The following VPS26C variants were observed in gnomAD, a reference collection of about 807,000 sequenced individuals.
VPS26C encodes VPS26 endosomal protein sorting factor C, also known as vacuolar protein sorting-associated protein 26C.
A neutral mutation model predicts 30.6 loss-of-function variants in VPS26C; 19 were observed. The observed-to-expected ratio is 0.62, with a 90% CI of 0.43 to 0.91. The LOEUF is 0.91. Among genes scored for constraint, VPS26C ranks in the 40% least tolerant of loss-of-function variants. The pLI, the probability that VPS26C is intolerant of heterozygous loss-of-function variation, is 0.00. For missense variants in VPS26C, 318 were observed against 385.1 expected (o/e 0.83, Z 1.46); for synonymous variants, 132 against 151.5 (o/e 0.87, Z 0.95).
intron 7 of VPS26C, chr21:37,225,943 C>G: frequency 2.8e-6 from 1 of 361,272 alleles, no homozygotes; most frequent in Non-Finnish European, 5.2e-6. Context: ...TTCTAGAACC[C>G]TTTCAATTCA....
In VPS26C at chr21:37,226,801, T is replaced by TGACTTCCA. The variant is rs1367838920; in HGVS notation, c.811+845_811+852dup. On this transcript the variant is annotated intron_variant, in intron 7 of 7. Transcript: ENST00000309117. This position sits in a 1 kb window ranked among gnomAD's most constrained non-coding sequence, Gnocchi z 4.1. ...TTGATGTGGATGCAGTGCTCACTCCTGACTTCCAACCTAGAGGTCCCCGAG... is the reference window on the plus strand; with the variant it reads ...TTGATGTGGATGCAGTGCTCACTCCTGACTTCCAGACTTCCAACCTAGAGGTCCCCGAG... 1 of 152,228 alleles carries TGACTTCCA rather than the reference T, an allele frequency of 6.6e-6. No individual in the cohort carries two copies. The highest frequency in any genetic ancestry group is 1.5e-5 in the Non-Finnish European group (1 of 68,056). 9.4% of individuals were successfully genotyped at this position (152,228 alleles called of 1,614,324 possible). A position where few individuals can be genotyped will look rare whatever the true frequency, so the allele number is the denominator to read the frequency against.
Position 37,255,963 on chromosome 21 carries a change from G to A in VPS26C, c.57+11275C>T, listed in dbSNP as rs867399280. 1.1e-4 allele frequency among the ~76,000 whole-genome samples: 16 copies of A among 147,630 alleles called. 1 individual carries two copies. In the Middle Eastern group the frequency reaches 0.017, roughly 161 times the overall value. Reference sequence around the variant, plus strand: ...TGATTCTCCTGCCTCAGCCTCCTGAGTAGCTGGGATTACAGGTGCCCGCCA... The same window carrying A: ...TGATTCTCCTGCCTCAGCCTCCTGAATAGCTGGGATTACAGGTGCCCGCCA... On this transcript the variant is annotated intron_variant, in intron 1 of 7. Transcript: ENST00000309117.
At chr21:37,259,910 A>G (rs2086286882) in intron 1 of VPS26C, among the ~76,000 whole-genome samples, 1 of 152,344 alleles carries the variant, frequency 6.6e-6, no homozygotes. Context: ...AGCGTGGAAA[A>G]GAACATGACA....
chr21:37,252,406 G>A lies in VPS26C; in HGVS notation c.58-11767C>T, dbSNP rs537595940. ...ACAATCCTCAGATAGTTCTCCACAT[G>A]GTAAGTAATGGCCAGTATTATGTGA... On this transcript the variant is annotated intron_variant, in intron 1 of 7. Transcript: ENST00000309117. Among the ~76,000 whole-genome samples, 22 of 152,244 alleles carry A rather than the reference G, an allele frequency of 1.4e-4. No individual in the cohort carries two copies. The South Asian group carries it at 4.6e-3, about 32-fold the overall frequency.
At chr21:37,249,135 C>T (rs2086167078) in intron 1 of VPS26C, among the ~76,000 whole-genome samples, 1 of 152,070 alleles carries the variant, frequency 6.6e-6, no homozygotes, top group Non-Finnish European at 1.5e-5. Context: ...AATGAGAAAA[C>T]AAGATATCAT....
At chr21:37,249,805 G>A (rs1443499821) in intron 1 of VPS26C, among the ~76,000 whole-genome samples, 1 of 152,192 alleles carries the variant, frequency 6.6e-6, no homozygotes, top group Non-Finnish European at 1.5e-5. Flanking sequence ...CTAGCCCTGT[G>A]AGATATTACA....
intron 1 of VPS26C, among the ~76,000 whole-genome samples, chr21:37,241,755 G>C (rs956936916): frequency 6.6e-6 from 1 of 152,184 alleles, no homozygotes; most frequent in Non-Finnish European, 1.5e-5. Context: ...CTGGGTGGTT[G>C]AGGCTGCAGC....
Position 37,235,864 on chromosome 21 carries a change from TATATATATATATA to T in VPS26C, c.352-2435_352-2423del, listed in dbSNP as rs1569233713. On this transcript the variant is annotated intron_variant, in intron 3 of 7. Coordinates refer to ENST00000309117, the MANE Select transcript of VPS26C (RefSeq NM_006052.2). ...GTATATGTGTGTGTATATATATATA[TATATATATATATA>T]TATTTTTTTTTTTAATTAAAAAATT... is the stretch of plus-strand genomic sequence containing the variant. Among the ~76,000 whole-genome samples the T allele has an allele frequency of 9.7e-5, 10 of 103,058 alleles. No homozygotes were observed. The East Asian group carries it at 4.3e-3, about 44-fold the overall frequency. 67.6% of individuals were successfully genotyped at this position (103,058 alleles called of 152,430 possible).
At chr21:37,264,317 G>T (rs2086336596) in intron 1 of VPS26C, among the ~76,000 whole-genome samples, 1 of 152,174 alleles carries the variant, frequency 6.6e-6, no homozygotes, top group Non-Finnish European at 1.5e-5. Flanking sequence ...TGCAGATGCT[G>T]TTCCTTATAC....
At chr21:37,260,892 A>T (rs2086297187) in intron 1 of VPS26C, among the ~76,000 whole-genome samples, 2 of 152,208 alleles carry the variant, frequency 1.3e-5, no homozygotes, top group Admixed American at 1.3e-4. Context: ...CTAGAATATT[A>T]TTTATAATTA....
rs554017613 is a variant in VPS26C at position 37,227,863 on chromosome 21, A to G, written c.659-57T>C. 1.1e-4 allele frequency: 173 copies of G among 1,598,076 alleles called. No individual in the cohort carries two copies. The African/African-American group carries it at 2.0e-3, about 19-fold the overall frequency. On this transcript the variant is annotated intron_variant, in intron 6 of 7. Transcript: ENST00000309117. The stretch of plus-strand genomic sequence containing the variant: ...GGCCAGCAGAGGCTGCGGGGTCCAC[A>G]TCCGCACCGGCACCACCCACCAGTC...
intron 1 of VPS26C, among the ~76,000 whole-genome samples, chr21:37,254,679 C>T (rs1440359929): frequency 6.6e-6 from 1 of 151,908 alleles, no homozygotes; most frequent in Middle Eastern, 3.2e-3. Context: ...GGCATGGTGG[C>T]GGGCACCTGT....
intron 5 of VPS26C, 84 bp from the exon 6 acceptor site, chr21:37,228,457 G>A: frequency 1.3e-6 from 2 of 1,500,954 alleles, no homozygotes; most frequent in East Asian, 4.6e-5. Context: ...AAACCTGGAA[G>A]CGAAGTTGGA....
intron 2 of VPS26C, among the ~76,000 whole-genome samples, chr21:37,239,594 A>C (rs1261687400): frequency 1.4e-5 from 2 of 145,602 alleles, no homozygotes; most frequent in Non-Finnish European, 1.5e-5. Context: ...TTCTCAGAAG[A>C]GCTGTGATCT....
intron 7 of VPS26C, 53 bp downstream of exon 7, chr21:37,227,601 C>T: frequency 6.3e-7 from 1 of 1,593,342 alleles, no homozygotes; most frequent in East Asian, 2.3e-5. Flanking sequence ...GGCCCTGGCG[C>T]TGAGCGGCCC....
chr21:37,238,731 G>A (rs986622764), intron 2 of VPS26C, 122 bp from the exon 3 acceptor site: 13 of 1,149,730 alleles, frequency 1.1e-5, no homozygotes, highest in Middle Eastern at 2.9e-4. Flanking sequence ...TGCTGTCTTC[G>A]GCAGCTCTGC....
At chr21:37,225,707 G>A (rs2085892093) in intron 7 of VPS26C, 81 bp from the exon 8 acceptor site, 1 of 1,256,924 alleles carries the variant, frequency 8.0e-7, no homozygotes. Flanking sequence ...GCAGTCGCAG[G>A]AAGCTCTAAC....
chr21:37,237,044 G>T (rs1325344476), intron 3 of VPS26C, among the ~76,000 whole-genome samples: 2 of 152,160 alleles, frequency 1.3e-5, no homozygotes, highest in African/African-American at 4.8e-5. Context: ...GCCTCCCAAA[G>T]TGCAGGGATG....
At chr21:37,232,076 C>T (rs1034051869) in intron 5 of VPS26C, 3 of 374,784 alleles carry the variant, frequency 8.0e-6, no homozygotes, top group East Asian at 4.5e-5. Flanking sequence ...GGGACGTGGC[C>T]GTGTCATGGG....
Sources: gnomAD v4.1 joint callset for allele counts (sites outside exome capture counted in the v4.1 genomes callset) on GRCh38, gnomAD v4.1.1 for gene constraint, Gnocchi (gnomAD v3.1) non-coding constraint, MANE v1.5 for transcripts, NCBI Gene and HGNC (gene_info 2026-07-23, HGNC 2026-07-21) for gene names.